Variants in C4orf17 observed in about 807,000 individuals in gnomAD.
The protein encoded by C4orf17 is chromosome 4 open reading frame 17.
C4orf17 carries 25 observed loss-of-function variants against 32.0 expected under a neutral mutation model. The observed-to-expected ratio is 0.78, with a 90% CI of 0.57 to 1.09. The LOEUF is 1.09. C4orf17 is among the 50% of genes least tolerant of loss of function. C4orf17 has a pLI of 0.00. For missense variants in C4orf17, 420 were observed against 420.0 expected (o/e 1.00, Z 0.00); for synonymous variants, 149 against 145.8 (o/e 1.02, Z -0.16).
At chr4:99,537,794 T>G (rs185089299) in intron 6 of C4orf17, 44 bp downstream of exon 6, 2 of 1,346,276 alleles carry the variant, frequency 1.5e-6, no homozygotes, top group African/African-American at 2.9e-5. Flanking sequence ...CTCAATTTAT[T>G]GTCAGAAACT....
At position 99,529,759 on chromosome 4, in the gene C4orf17, A is replaced by G. The variant is rs920190334; in HGVS notation, c.403-56A>G. On this transcript the variant is annotated intron_variant, in intron 4 of 8. Transcript: ENST00000326581. The stretch of plus-strand genomic sequence containing the variant: ...CTCATTCATTTTACATTGAATTTTC[A>G]TAGAAAATATAGGTGGATGCAAATG... The G allele has an allele frequency of 5.4e-5, 75 of 1,391,218 alleles. No homozygotes were observed. The African/African-American group carries it at 9.3e-4, about 17-fold the overall frequency. 86.2% of individuals were successfully genotyped at this position (1,391,218 alleles called of 1,614,324 possible). A position where few individuals can be genotyped will look rare whatever the true frequency, so the allele number is the denominator to read the frequency against.
At chr4:99,534,101 C>T (rs1723520511) in intron 5 of C4orf17, among the ~76,000 whole-genome samples, 2 of 152,118 alleles carry the variant, frequency 1.3e-5, no homozygotes, top group Non-Finnish European at 2.9e-5. Flanking sequence ...TTATGCCAAG[C>T]ATCCATTAGC....
At chr4:99,525,617 A>C (rs538395339) in intron 4 of C4orf17, among the ~76,000 whole-genome samples, 1 of 151,632 alleles carries the variant, frequency 6.6e-6, no homozygotes, top group African/African-American at 2.4e-5. Context: ...ACATGGTGAA[A>C]CCCCGTCTCT....
At chr4:99,528,139 C>A (rs1353383405) in intron 4 of C4orf17, among the ~76,000 whole-genome samples, 1 of 152,068 alleles carries the variant, frequency 6.6e-6, no homozygotes, top group Non-Finnish European at 1.5e-5. Context: ...TTAAAAATAT[C>A]TGCTGGTTCT....
At chr4:99,537,630 A>G (rs1345977163) in intron 5 of C4orf17, 39 bp from the exon 6 acceptor site, 1 of 1,410,332 alleles carries the variant, frequency 7.1e-7, no homozygotes, top group Non-Finnish European at 1.0e-6. Flanking sequence ...GCCTTGTACT[A>G]TTTATTTGCT....
chr4:99,532,979 G>A (rs1723500384), intron 5 of C4orf17, among the ~76,000 whole-genome samples: 1 of 152,190 alleles, frequency 6.6e-6, no homozygotes, highest in Admixed American at 6.5e-5. Context: ...AGACTAAGGA[G>A]TGAGAGCATT....
chr4:99,541,704 T>G (rs2110175541), intron 8 of C4orf17: 1 of 523,308 alleles, frequency 1.9e-6, no homozygotes, highest in African/African-American at 2.0e-5. Context: ...GAACATATCC[T>G]GCATGTTACA....
chr4:99,532,791 C>A (rs890667336), intron 5 of C4orf17, among the ~76,000 whole-genome samples: 1 of 152,124 alleles, frequency 6.6e-6, no homozygotes, highest in African/African-American at 2.4e-5. Flanking sequence ...CAATTAATTT[C>A]TTCATTCATA....
chr4:99,534,894 C>T (rs1398946368), intron 5 of C4orf17, among the ~76,000 whole-genome samples: 1 of 152,134 alleles, frequency 6.6e-6, no homozygotes, highest in East Asian at 1.9e-4. Flanking sequence ...GTTTTCCTTT[C>T]CATATTTAGT....
At chr4:99,537,148 T>C (rs1316125613) in intron 5 of C4orf17, among the ~76,000 whole-genome samples, 1 of 152,190 alleles carries the variant, frequency 6.6e-6, no homozygotes, top group Non-Finnish European at 1.5e-5. Context: ...TGAGCTTTAA[T>C]CATTCCTAGA....
intron 4 of C4orf17, among the ~76,000 whole-genome samples, chr4:99,528,302 C>A (rs1376405015): frequency 6.6e-6 from 1 of 151,744 alleles, no homozygotes; most frequent in Non-Finnish European, 1.5e-5. Flanking sequence ...TTTTTTGATT[C>A]TCTATGTTGT....
Position 99,537,362 on chromosome 4 carries a change from G to A in C4orf17, c.547-307G>A, listed in dbSNP as rs551157906. On this transcript the variant is annotated intron_variant, in intron 5 of 8. Coordinates refer to ENST00000326581, the MANE Select transcript of C4orf17 (RefSeq NM_032149.3). ...GTGTCAGTGTATGTTTTATTCATCC[G>A]TTGTTGAGGTCAGGGTCTGCAGGCA... 1.2e-4 allele frequency among the ~76,000 whole-genome samples: 18 copies of A among 152,230 alleles called. No individual in the cohort carries two copies. In the East Asian group the frequency reaches 2.5e-3, roughly 21 times the overall value.
chr4:99,512,604 A>G (rs1723112130), intron 1 of C4orf17, among the ~76,000 whole-genome samples: 1 of 152,144 alleles, frequency 6.6e-6, no homozygotes, highest in Non-Finnish European at 1.5e-5. Flanking sequence ...AATTAATTCA[A>G]TGTAAAGTGC....
intron 2 of C4orf17, among the ~76,000 whole-genome samples, chr4:99,516,605 G>C (rs1000102870): frequency 6.6e-6 from 1 of 152,110 alleles, no homozygotes; most frequent in African/African-American, 2.4e-5. Context: ...TATCTACAAC[G>C]GGGTTAAGTA....
At position 99,524,651 on chromosome 4, in the gene C4orf17, A is replaced by G; in HGVS notation, c.402+66A>G. 8 of 988,582 alleles carry G rather than the reference A, an allele frequency of 8.1e-6. 1 individual carries two copies. The South Asian group carries it at 1.2e-4, about 15-fold the overall frequency. The allele number at this position is 988,582 out of a possible 1,614,324, so 61.2% of individuals were successfully genotyped here. ...TCTATAAGTTCCTCTCCTTTTCTTT[A>G]CATACCTTTCCGAAAAGTCACCATG... On this transcript the variant is annotated intron_variant, in intron 4 of 8. Transcript: ENST00000326581.
intron 2 of C4orf17, among the ~76,000 whole-genome samples, chr4:99,513,907 AC>A (rs1682391180): frequency 6.6e-6 from 1 of 152,154 alleles, no homozygotes; most frequent in African/African-American, 2.4e-5. Context: ...TTTGAGAGGT[AC>A]ATTTCTCAAG....
intron 8 of C4orf17, chr4:99,540,700 C>T (rs1408569943): frequency 5.0e-6 from 2 of 398,858 alleles, no homozygotes; most frequent in Non-Finnish European, 9.1e-6. Context: ...AGCAGGACAA[C>T]AGGAACTATA....
chr4:99,535,799 T>C (rs1423283385), intron 5 of C4orf17, among the ~76,000 whole-genome samples: 3 of 152,330 alleles, frequency 2.0e-5, no homozygotes, highest in African/African-American at 7.2e-5. Flanking sequence ...CAGTCATTTA[T>C]AGGAGAAGCA....
At chr4:99,540,861 T>C (rs1273458870) in intron 8 of C4orf17, 1 of 154,982 alleles carries the variant, frequency 6.5e-6, no homozygotes, top group East Asian at 1.9e-4. Context: ...AAAATGGCAA[T>C]CAGCCACAAG....
Sources: gnomAD v4.1 joint callset for allele counts (sites outside exome capture counted in the v4.1 genomes callset) on GRCh38, gnomAD v4.1.1 for gene constraint, MANE v1.5 for transcripts, NCBI Gene and HGNC (gene_info 2026-07-23, HGNC 2026-07-21) for gene names.